SCLT1: variants seen among roughly 807,000 people sequenced by gnomAD.
The protein encoded by SCLT1 is sodium channel-associated protein 1.
Under a neutral mutation model 112.8 loss-of-function variants are expected in SCLT1, and 78 were observed. The ratio of observed to expected loss-of-function variants is 0.69; its 90% confidence interval spans 0.58 to 0.83. The LOEUF (loss-of-function observed/expected upper bound fraction) is 0.83, where lower values mean the gene tolerates loss of function less well. SCLT1 is among the 40% of genes least tolerant of loss of function. The probability of loss-of-function intolerance (pLI) is 0.00; values close to 1 mark genes in which losing one functional copy is unlikely to be tolerated. For missense variants in SCLT1, 747 were observed against 770.4 expected (o/e 0.97, Z 0.36); for synonymous variants, 257 against 254.7 (o/e 1.01, Z -0.09).
chr4:129,039,889 T>TGTGCGCGCGCGCGCGC (rs1490436444), intron 4 of SCLT1: 4 of 209,130 alleles, frequency 1.9e-5, no homozygotes, highest in African/African-American at 1.8e-4. Flanking sequence ...AAATGGAGAG[T>TGTGCGCGCGCGCGCGC]GTGCGCGCGC....
At chr4:128,900,860 G>A (rs1369473841) in intron 18 of SCLT1, among the ~76,000 whole-genome samples, 2 of 152,118 alleles carry the variant, frequency 1.3e-5, no homozygotes, top group African/African-American at 2.4e-5. Flanking sequence ...AAAAGTGGGT[G>A]AAGGACATGA....
chr4:128,878,598 C>G (rs1477128255), intron 3 of SCLT1, among the ~76,000 whole-genome samples: 1 of 152,148 alleles, frequency 6.6e-6, no homozygotes, highest in Non-Finnish European at 1.5e-5. Flanking sequence ...AAATACCTTT[C>G]AAACTCCATA....
At chr4:128,978,519 T>C (rs923460497) in intron 9 of SCLT1, among the ~76,000 whole-genome samples, 4 of 151,246 alleles carry the variant, frequency 2.6e-5, no homozygotes, top group Admixed American at 2.6e-4. Context: ...GGTAGAGAAA[T>C]GTTTAAGAAA....
chr4:128,959,812 T>A (rs1330419510), intron 11 of SCLT1, 35 bp from the exon 12 acceptor site: 4 of 1,549,244 alleles, frequency 2.6e-6, no homozygotes, highest in East Asian at 2.2e-5. Context: ...AAAGTTAAAC[T>A]TTTTTAAAGG....
At chr4:128,929,881 T>C (rs144694920) in intron 18 of SCLT1, among the ~76,000 whole-genome samples, 1 of 152,286 alleles carries the variant, frequency 6.6e-6, no homozygotes, top group African/African-American at 2.4e-5. Context: ...AACTGGATGG[T>C]TAAAAAGAGA....
intron 2 of SCLT1, among the ~76,000 whole-genome samples, chr4:129,059,511 T>C (rs1042368234): frequency 2.0e-5 from 3 of 152,218 alleles, no homozygotes; most frequent in African/African-American, 7.2e-5. Flanking sequence ...CTTTCAAATA[T>C]AGGACTCTCT....
intron 18 of SCLT1, among the ~76,000 whole-genome samples, chr4:128,930,863 A>G (rs1322899836): frequency 6.6e-6 from 1 of 152,232 alleles, no homozygotes; most frequent in Non-Finnish European, 1.5e-5. Context: ...GGTGCAGTGA[A>G]GAATTCAACA....
chr4:129,079,964 G>A (rs959297657), intron 2 of SCLT1, among the ~76,000 whole-genome samples: 3 of 152,232 alleles, frequency 2.0e-5, no homozygotes, highest in Non-Finnish European at 4.4e-5. Flanking sequence ...CCACCCTCTG[G>A]AGCAGTTGAC....
intron 18 of SCLT1, among the ~76,000 whole-genome samples, chr4:128,920,358 A>G (rs1235098801): frequency 6.6e-6 from 1 of 152,172 alleles, no homozygotes; most frequent in Non-Finnish European, 1.5e-5. Context: ...GTGGCACAAT[A>G]TCGGCTAAGT....
At chr4:129,087,126 G>A (rs1579977961) in intron 1 of SCLT1, among the ~76,000 whole-genome samples, 2 of 152,152 alleles carry the variant, frequency 1.3e-5, no homozygotes, top group African/African-American at 4.8e-5. Context: ...ATTAAGAGGT[G>A]GAGCTGAGAA....
intron 11 of SCLT1, among the ~76,000 whole-genome samples, chr4:128,964,883 A>G (rs1047020442): frequency 6.6e-6 from 1 of 152,244 alleles, no homozygotes; most frequent in Admixed American, 6.5e-5. Flanking sequence ...TGTGCTCTGC[A>G]GTACTGATAC....
At chr4:129,053,556 G>GTTTTTTTTTT (rs1749035905) in intron 2 of SCLT1, among the ~76,000 whole-genome samples, 2 of 32,418 alleles carry the variant, frequency 6.2e-5, no homozygotes, top group African/African-American at 2.6e-4. Flanking sequence ...TGCAATCCCT[G>GTTTTTTTTTT]ATTTTTTTTT....
chr4:129,058,675 T>A (rs966776667), intron 2 of SCLT1, among the ~76,000 whole-genome samples: 3 of 152,202 alleles, frequency 2.0e-5, no homozygotes, highest in African/African-American at 7.2e-5. Context: ...GAAAATAGCA[T>A]GTATTCTTCA....
chr4:128,893,955 T>C (rs1185994526), intron 18 of SCLT1, among the ~76,000 whole-genome samples: 1 of 151,952 alleles, frequency 6.6e-6, no homozygotes, highest in Non-Finnish European at 1.5e-5. Flanking sequence ...TTGTTTGTTT[T>C]TTGAGAGAGG....
intron 18 of SCLT1, among the ~76,000 whole-genome samples, chr4:128,899,254 A>T (rs1406126607): frequency 1.3e-5 from 2 of 152,198 alleles, no homozygotes; most frequent in African/African-American, 4.8e-5. Context: ...TCCCTGATGA[A>T]CATCGATGCA....
chr4:128,946,638 A>C (rs1342023364), intron 15 of SCLT1, among the ~76,000 whole-genome samples: 2 of 152,230 alleles, frequency 1.3e-5, no homozygotes, highest in Non-Finnish European at 2.9e-5. Context: ...TAATACAAAA[A>C]TGTAAAGCAG....
Position 129,039,098 on chromosome 4 carries a change from TGAAA to T in SCLT1, c.235-6_235-3del. ...TAATTTCATCTCACCCACCTGTTTC[TGAAA>T]GAATAAAATATGGTGTGGCAATACA... On this transcript the variant is annotated splice_region_variant and splice_polypyrimidine_tract_variant and intron_variant, in intron 4 of 20. Coordinates refer to ENST00000281142, the MANE Select transcript of SCLT1 (RefSeq NM_144643.4). 1 of 1,595,506 alleles carries T rather than the reference TGAAA, an allele frequency of 6.3e-7. No individual in the cohort carries two copies. Among genetic ancestry groups the T allele is most frequent in the Non-Finnish European group, 8.6e-7 (1 of 1,163,744 alleles).
chr4:129,003,765 T>C lies in SCLT1; in HGVS notation c.402A>G (p.Gln134=). ...CTTGATTGGCTAGCTGCAATTGTTCTTGAAGGTTTCTGACTGTTTCATCAT... is the reference window on the plus strand; with the variant it reads ...CTTGATTGGCTAGCTGCAATTGTTCCTGAAGGTTTCTGACTGTTTCATCAT... The part of the protein sequence containing the change: ...YADDETVRNL[Q]EQLQLANQEK... Residue 134 remains glutamine (Q), a synonymous_variant, in exon 6 of 21, where the codon CAA becomes CAG. Transcript: ENST00000281142. The C allele has an allele frequency of 6.2e-7, 1 of 1,609,304 alleles. No homozygotes were observed. The highest frequency in any genetic ancestry group is 8.5e-7 in the Non-Finnish European group (1 of 1,178,236).
chr4:128,964,427 C>T (rs923382185), intron 11 of SCLT1, among the ~76,000 whole-genome samples: 1 of 152,150 alleles, frequency 6.6e-6, no homozygotes, highest in African/African-American at 2.4e-5. Context: ...TTCCCAAGAA[C>T]ACAAGGGAGA....
Sources: gnomAD v4.1 joint callset for allele counts (sites outside exome capture counted in the v4.1 genomes callset) on GRCh38, gnomAD v4.1.1 for gene constraint, MANE v1.5 for transcripts, NCBI Gene and HGNC (gene_info 2026-07-23, HGNC 2026-07-21) for gene names.